SNX10: variants seen among roughly 807,000 people sequenced by gnomAD.
The protein encoded by SNX10 is sorting nexin-10.
In SNX10, 25 loss-of-function variants were observed where a neutral mutation model predicts 28.5. The observed-to-expected ratio is 0.88, with a 90% CI of 0.64 to 1.22. The LOEUF (loss-of-function observed/expected upper bound fraction) is 1.22, where lower values mean the gene tolerates loss of function less well. SNX10 is among the 50% of genes most tolerant of loss of function. The pLI, the probability that SNX10 is intolerant of heterozygous loss-of-function variation, is 0.00. For missense variants in SNX10, 223 were observed against 242.6 expected, an observed-to-expected ratio of 0.92 and a Z score of 0.54; for synonymous variants, 62 against 81.4, an observed-to-expected ratio of 0.76 and a Z score of 1.28.
Position 26,365,078 on chromosome 7 carries a change from T to C in SNX10, c.244T>C (p.Phe82Leu). 1 of 1,612,758 alleles carries C rather than the reference T, an allele frequency of 6.2e-7. No homozygotes were observed. The highest frequency in any genetic ancestry group is 8.5e-7 in the Non-Finnish European group (1 of 1,178,772). ...GCCAGAACTTCCATCTAAAAACCTGTTTTTCAACATGAACAATCGCCAGCA... is the reference window on the plus strand; with the variant it reads ...GCCAGAACTTCCATCTAAAAACCTGCTTTTCAACATGAACAATCGCCAGCA... ...QLPELPSKNLFFNMNNRQHVD... is the reference protein window; with the variant it reads ...QLPELPSKNLLFNMNNRQHVD... Residue 82 changes from phenylalanine (F) to leucine (L), a missense_variant, in exon 5 of 7, where the codon TTT (phenylalanine) becomes CTT (leucine). Coordinates refer to ENST00000338523, the MANE Select transcript of SNX10 (RefSeq NM_013322.3).
intron 5 of SNX10, among the ~76,000 whole-genome samples, chr7:26,368,353 A>G (rs1473150803): frequency 1.3e-5 from 2 of 152,178 alleles, no homozygotes; most frequent in Non-Finnish European, 2.9e-5. Context: ...TCTTAACTAT[A>G]ATCTCCCTTT....
At chr7:26,335,455 G>C (rs902248692) in intron 1 of SNX10, among the ~76,000 whole-genome samples, 1 of 152,172 alleles carries the variant, frequency 6.6e-6, no homozygotes, top group African/African-American at 2.4e-5. Context: ...CTGTGCCCTA[G>C]GTACCCTCTA....
rs553745498 is a variant in SNX10, at chr7:26,368,152, G to A, written c.311+3007G>A. On this transcript the variant is annotated intron_variant, in intron 5 of 6. Coordinates refer to ENST00000338523, the MANE Select transcript of SNX10 (RefSeq NM_013322.3). ...TTTCTACGTGTTTGGCATTTTACAT[G>A]TTTTAGTCTCAGTACTAAAAATCTT... is the stretch of plus-strand genomic sequence containing the variant. Among the ~76,000 whole-genome samples the A allele has an allele frequency of 2.0e-5, 3 of 152,246 alleles. No homozygotes were observed. The South Asian group carries it at 6.2e-4, about 32-fold the overall frequency.
At position 26,330,882 on chromosome 7, in the gene SNX10, G is replaced by C. The variant is rs150760516; in HGVS notation, c.-23-15538G>C. ...AAACAGAACTAAGCTGAGTGCGGTG[G>C]CTCACGCCTATAATCCCGATACTTT... is the stretch of plus-strand genomic sequence containing the variant. On this transcript the variant is annotated intron_variant, in intron 1 of 6. Coordinates refer to ENST00000338523, the MANE Select transcript of SNX10 (RefSeq NM_013322.3). Among the ~76,000 whole-genome samples the C allele has an allele frequency of 4.7e-3, 720 of 152,280 alleles. 6 individuals are homozygous for C. Among genetic ancestry groups the C allele is most frequent in the African/African-American group, 0.017 (686 of 41,552 alleles).
chr7:26,298,711 CT>C lies in SNX10; in HGVS notation c.-24+6626del, dbSNP rs751119365. On this transcript the variant is annotated intron_variant, in intron 1 of 6. Transcript: ENST00000338523. ...GGCTGCCATAACAAAATGCCATAGA[CT>C]GGGTGGCTTAAACAACAGAAGTTTA... Among the ~76,000 whole-genome samples the C allele has an allele frequency of 9.8e-5, 15 of 152,324 alleles. No individual in the cohort carries two copies. In the South Asian group the frequency reaches 2.5e-3, roughly 25 times the overall value.
In SNX10 at chr7:26,364,696, G is replaced by A. The variant is rs1401250111; in HGVS notation, c.212+61G>A. 7.4e-6 allele frequency: 9 copies of A among 1,217,016 alleles called. No homozygotes were observed. The highest frequency in any genetic ancestry group is 1.3e-5 in the South Asian group (1 of 75,008). 75.4% of individuals were successfully genotyped at this position (1,217,016 alleles called of 1,614,324 possible). On this transcript the variant is annotated intron_variant, in intron 4 of 6. Transcript: ENST00000338523. This position sits in a 1 kb window ranked among gnomAD's most constrained non-coding sequence, Gnocchi z 4.9. ...ATTATATTCAGTATTTAAAATTGAC[G>A]TTCATTAAGATATATAAGATATGAA...
At chr7:26,347,325 C>T (rs1399312318) in intron 2 of SNX10, among the ~76,000 whole-genome samples, 1 of 152,236 alleles carries the variant, frequency 6.6e-6, no homozygotes, top group Non-Finnish European at 1.5e-5. Flanking sequence ...TCCCTTAACT[C>T]TAGGCTGGGC....
At chr7:26,310,713 GCT>G (rs1395840404) in intron 1 of SNX10, among the ~76,000 whole-genome samples, 1 of 149,898 alleles carries the variant, frequency 6.7e-6, no homozygotes, top group African/African-American at 2.5e-5. Flanking sequence ...ACAGAGTCTC[GCT>G]CTGTCTCCCA....
At chr7:26,319,978 A>C (rs1787246916) in intron 1 of SNX10, among the ~76,000 whole-genome samples, 3 of 151,304 alleles carry the variant, frequency 2.0e-5, no homozygotes, top group African/African-American at 7.3e-5. Flanking sequence ...TTATATTTTT[A>C]ATTAATTAAT....
chr7:26,332,148 C>T (rs1004380381), intron 1 of SNX10, among the ~76,000 whole-genome samples: 4 of 152,152 alleles, frequency 2.6e-5, no homozygotes, highest in African/African-American at 7.2e-5. Context: ...TTTAATTCTT[C>T]AAGAAACTGC....
At chr7:26,340,306 T>A (rs895437226) in intron 1 of SNX10, among the ~76,000 whole-genome samples, 6 of 152,196 alleles carry the variant, frequency 3.9e-5, no homozygotes, top group African/African-American at 1.4e-4. Context: ...AGATAAAGTT[T>A]AACTGGAACC....
chr7:26,353,463 T>TTTG, intron 2 of SNX10, among the ~76,000 whole-genome samples: 1 of 106,402 alleles, frequency 9.4e-6, no homozygotes, highest in African/African-American at 3.5e-5. Flanking sequence ...TTTTTTTTGG[T>TTTG]GGGGAGACAG....
intron 1 of SNX10, among the ~76,000 whole-genome samples, chr7:26,302,944 TAAAAACAAAAAC>T (rs70943290): frequency 1.3e-5 from 2 of 151,802 alleles, no homozygotes; most frequent in Admixed American, 6.6e-5. Flanking sequence ...AGACTCCATC[TAAAAACAAAAAC>T]AAAAACAAAA....
chr7:26,339,678 C>G (rs1228894736), intron 1 of SNX10, among the ~76,000 whole-genome samples: 3 of 151,706 alleles, frequency 2.0e-5, no homozygotes, highest in Non-Finnish European at 4.4e-5. Flanking sequence ...TACAGGGTAG[C>G]TGGGATTACA....
intron 1 of SNX10, among the ~76,000 whole-genome samples, chr7:26,332,939 G>A (rs1339265714): frequency 2.0e-5 from 3 of 152,152 alleles, no homozygotes; most frequent in Admixed American, 6.6e-5. Context: ...CTGTTTGTTT[G>A]TACTTGTGCC....
intron 2 of SNX10, among the ~76,000 whole-genome samples, chr7:26,348,288 C>A (rs186630970): frequency 2.6e-5 from 4 of 152,282 alleles, no homozygotes; most frequent in Non-Finnish European, 5.9e-5. Context: ...CCGGGAAATA[C>A]CCGCCCATGA....
chr7:26,365,266 C>G (rs1789244892), intron 5 of SNX10, 121 bp downstream of exon 5: 3 of 621,250 alleles, frequency 4.8e-6, no homozygotes. Flanking sequence ...TGCACTAGAG[C>G]AAAACCCAGT....
At chr7:26,369,147 C>T (rs1043278178) in intron 5 of SNX10, among the ~76,000 whole-genome samples, 1 of 152,114 alleles carries the variant, frequency 6.6e-6, no homozygotes, top group Admixed American at 6.5e-5. Context: ...ATCCTAGAGG[C>T]TATTTTTTAT....
Position 26,364,908 on chromosome 7 carries a change from ATATAATG to A in SNX10, c.213-132_213-126del. On this transcript the variant is annotated intron_variant, in intron 4 of 6. Transcript: ENST00000338523. The surrounding 1 kb of genome is among the most constrained non-coding windows in gnomAD (Gnocchi z 4.9). ...TTCCTGATACCCTTATTATATAACT[ATATAATG>A]TATAATCATAATTATAGAATAACTG... is the stretch of plus-strand genomic sequence containing the variant. 1 of 614,936 alleles carries A rather than the reference ATATAATG, an allele frequency of 1.6e-6. No individual in the cohort carries two copies. The highest frequency in any genetic ancestry group is 2.9e-6 in the Non-Finnish European group (1 of 345,540). The allele number at this position is 614,936 out of a possible 1,614,324, so 38.1% of individuals were successfully genotyped here. A position where few individuals can be genotyped will look rare whatever the true frequency, so the allele number is the denominator to read the frequency against.
Sources: allele counts gnomAD v4.1 joint callset (sites outside exome capture counted in the v4.1 genomes callset), GRCh38; gene constraint gnomAD v4.1.1; non-coding constraint Gnocchi (gnomAD v3.1); transcripts MANE v1.5; gene names NCBI Gene and HGNC (gene_info 2026-07-23, HGNC 2026-07-21).